The following FRMD4A variants were observed in gnomAD, a reference collection of about 807,000 sequenced individuals.
FRMD4A encodes FERM domain containing 4A.
A neutral mutation model predicts 129.1 loss-of-function variants in FRMD4A; 29 were observed. That is an observed-to-expected ratio of 0.22 (90% CI 0.17 to 0.31). The LOEUF (loss-of-function observed/expected upper bound fraction) is 0.31. FRMD4A is among the 10% of genes least tolerant of loss of function. FRMD4A has a pLI of 1.00. For missense variants in FRMD4A, 1,272 were observed against 1,375.8 expected (o/e 0.92, Z 1.19); for synonymous variants, 634 against 571.6 (o/e 1.11, Z -1.56).
intron 2 of FRMD4A, chr10:14,008,312 T>G: frequency 9.6e-7 from 1 of 1,042,058 alleles, no homozygotes; most frequent in Non-Finnish European, 1.2e-6. Context: ...CTTTCGACCA[T>G]CTGAGTCAAG....
chr10:14,077,306 G>A (rs954350360), intron 2 of FRMD4A, among the ~76,000 whole-genome samples: 2 of 152,310 alleles, frequency 1.3e-5, no homozygotes, highest in East Asian at 3.9e-4. Context: ...GTAAGATTTG[G>A]ACTTGGCCAG....
At chr10:14,327,815 C>T (rs182383147) in intron 2 of FRMD4A, among the ~76,000 whole-genome samples, 1 of 152,294 alleles carries the variant, frequency 6.6e-6, no homozygotes, top group Admixed American at 6.5e-5. Flanking sequence ...TTATGCCAGG[C>T]TACTTTCCTC....
At chr10:13,959,246 G>A (rs1318310855) in intron 2 of FRMD4A, among the ~76,000 whole-genome samples, 1 of 152,080 alleles carries the variant, frequency 6.6e-6, no homozygotes, top group Non-Finnish European at 1.5e-5. Flanking sequence ...GGCCAAGGCA[G>A]GCAGATCATG....
chr10:14,083,497 A>C (rs1836055054), intron 2 of FRMD4A: 1 of 152,346 alleles, frequency 6.6e-6, no homozygotes, highest in South Asian at 2.1e-4. Flanking sequence ...TACTGTCTCC[A>C]TTCGGTTTTG....
At chr10:13,997,638 TTTG>T (rs2095627493) in intron 2 of FRMD4A, among the ~76,000 whole-genome samples, 2 of 147,104 alleles carry the variant, frequency 1.4e-5, no homozygotes, top group South Asian at 2.3e-4. Flanking sequence ...TTTTTTTTTT[TTTG>T]AGATAATATC....
intron 2 of FRMD4A, among the ~76,000 whole-genome samples, chr10:14,327,231 T>C (rs574737917): frequency 6.6e-6 from 1 of 152,300 alleles, no homozygotes; most frequent in Admixed American, 6.5e-5. Context: ...CTAATGATCA[T>C]CCGTGTCAGC....
At chr10:13,943,256 G>A (rs1015324257) in intron 2 of FRMD4A, among the ~76,000 whole-genome samples, 1 of 152,116 alleles carries the variant, frequency 6.6e-6, no homozygotes, top group Non-Finnish European at 1.5e-5. Flanking sequence ...CACCAGCAAC[G>A]GTGCAGTGAG....
chr10:14,262,275 C>T (rs773697732), intron 2 of FRMD4A, among the ~76,000 whole-genome samples: 71 of 152,202 alleles, frequency 4.7e-4, no homozygotes, highest in Non-Finnish European at 9.9e-4. Flanking sequence ...TTCTCTTGGC[C>T]CCTGATGCTA....
chr10:13,657,270 C>A lies in FRMD4A; in HGVS notation c.2319G>T (p.Glu773Asp). 1.2e-6 allele frequency: 2 copies of A among 1,603,268 alleles called. No homozygotes were observed. Among genetic ancestry groups the A allele is most frequent in the Admixed American group, 1.7e-5 (1 of 59,244 alleles). ...TCTGGCGCGCCTTGGACGGCGAGTC[C>A]TCGGCCAGCGTGGAGTAGTTGGCGT... ...QMNANYSTLA[E>D]DSPSKARQRQ... Residue 773 changes from glutamate (E) to aspartate (D), a missense_variant, in exon 22 of 25, where the codon GAG becomes GAT. Coordinates refer to ENST00000357447, the MANE Select transcript of FRMD4A (RefSeq NM_018027.5).
At chr10:14,178,065 A>T (rs566633202) in intron 2 of FRMD4A, among the ~76,000 whole-genome samples, 1 of 152,196 alleles carries the variant, frequency 6.6e-6, no homozygotes. Context: ...CCCCTGCCCT[A>T]CGAGGGAAGT....
intron 15 of FRMD4A, among the ~76,000 whole-genome samples, chr10:13,676,428 AT>A (rs60180649): frequency 0.071 from 9,103 of 128,778 alleles, 277 homozygotes; most frequent in East Asian, 0.11. Context: ...ACACCCAGCT[AT>A]TTTTTTTTTT....
rs1256926724 is a variant in FRMD4A at position 13,654,405 on chromosome 10, GGA to G, written c.3050+9_3050+10del. 3 of 1,554,878 alleles carry G rather than the reference GGA, an allele frequency of 1.9e-6. No individual in the cohort carries two copies. In the Admixed American group the frequency reaches 5.0e-5, roughly 26 times the overall value. On this transcript the variant is annotated intron_variant, in intron 23 of 24. Coordinates refer to ENST00000357447, the MANE Select transcript of FRMD4A (RefSeq NM_018027.5). The stretch of plus-strand genomic sequence containing the variant: ...AGCTGACACAGTGAAGAACATAGAA[GGA>G]GAACTCACCCAGTCTGCCAGGTTAG...
rs142416990 is a variant in FRMD4A at position 14,294,842 on chromosome 10, C to T, written c.45+35216G>A. On this transcript the variant is annotated intron_variant, in intron 2 of 24. Coordinates refer to ENST00000357447, the MANE Select transcript of FRMD4A (RefSeq NM_018027.5). The stretch of plus-strand genomic sequence containing the variant: ...TTATGGTGGGCTCAGGTGTGAGGAG[C>T]GTGTCTATTATTGCGTCTTGCATTT... Among the ~76,000 whole-genome samples, 1,430 of 152,224 alleles carry T rather than the reference C, an allele frequency of 9.4e-3. 23 individuals are homozygous for T. The highest frequency in any genetic ancestry group is 0.032 in the African/African-American group (1,342 of 41,534).
intron 2 of FRMD4A, among the ~76,000 whole-genome samples, chr10:14,118,032 G>A (rs943495514): frequency 2.0e-5 from 3 of 152,168 alleles, no homozygotes; most frequent in African/African-American, 7.2e-5. Flanking sequence ...AGGATGGGGT[G>A]AGGCCTGGAT....
At chr10:13,671,784 G>A (rs1290627976) in intron 16 of FRMD4A, among the ~76,000 whole-genome samples, 5 of 152,228 alleles carry the variant, frequency 3.3e-5, no homozygotes, top group African/African-American at 1.2e-4. Flanking sequence ...AGAAAAGGCT[G>A]GGGGACCAAC....
intron 2 of FRMD4A, among the ~76,000 whole-genome samples, chr10:13,991,626 G>C (rs925009128): frequency 6.6e-6 from 1 of 152,190 alleles, no homozygotes; most frequent in Admixed American, 6.5e-5. Context: ...CCCATGTCTT[G>C]GCTTACCTTG....
chr10:13,765,104 TTTTTTTTTTG>T (rs1453726212), intron 6 of FRMD4A, among the ~76,000 whole-genome samples: 1 of 146,194 alleles, frequency 6.8e-6, no homozygotes, highest in African/African-American at 2.5e-5. Context: ...AGGATTGATT[TTTTTTTTTTG>T]TTTTTTTTTT....
chr10:14,089,644 C>CAAAAAA (rs72412046), intron 2 of FRMD4A, among the ~76,000 whole-genome samples: 17 of 131,894 alleles, frequency 1.3e-4, no homozygotes, highest in East Asian at 8.6e-4. Flanking sequence ...AAAAAACAAA[C>CAAAAAA]AAAAAAAAAA....
In FRMD4A at chr10:13,839,218, C is replaced by G. The variant is rs146084259; in HGVS notation, c.111+19629G>C. On this transcript the variant is annotated intron_variant, in intron 3 of 24. Coordinates refer to ENST00000357447, the MANE Select transcript of FRMD4A (RefSeq NM_018027.5). ...ATGGGGTCTTGCTGTCCTGCCCAGG[C>G]TGCTCTTGAACTCTTGGCCTTCAGC... 8.7e-4 allele frequency among the ~76,000 whole-genome samples: 133 copies of G among 152,096 alleles called. 1 individual carries two copies. The highest frequency in any genetic ancestry group is 3.1e-3 in the African/African-American group (129 of 41,474).
Sources: allele counts gnomAD v4.1 joint callset (sites outside exome capture counted in the v4.1 genomes callset), GRCh38; gene constraint gnomAD v4.1.1; transcripts MANE v1.5; gene names NCBI Gene and HGNC (gene_info 2026-07-23, HGNC 2026-07-21).